The following GLIS1 variants were observed in gnomAD, a reference collection of about 807,000 sequenced individuals.
The protein encoded by GLIS1 is GLIS family zinc finger 1, also known as zinc finger protein GLIS1.
GLIS1 carries 24 observed loss-of-function variants against 63.8 expected under a neutral mutation model. That is an observed-to-expected ratio of 0.38 (90% CI 0.27 to 0.53). GLIS1 has a LOEUF of 0.53. GLIS1 is among the 20% of genes least tolerant of loss of function. The pLI is 0.85. For synonymous variants in GLIS1, 450 were observed against 482.5 expected, an observed-to-expected ratio of 0.93 and a Z score of 0.88; for missense variants, 1,036 against 1,074.1, an observed-to-expected ratio of 0.96 and a Z score of 0.50.
chr1:53,561,017 C>T (rs1019565610), intron 4 of GLIS1, among the ~76,000 whole-genome samples: 17 of 152,102 alleles, frequency 1.1e-4, no homozygotes, highest in African/African-American at 4.1e-4. Context: ...CTACTGTGTG[C>T]CCCCAGGACC....
intron 10 of GLIS1, 100 bp from the exon 11 acceptor site, chr1:53,506,876 C>A: frequency 8.3e-7 from 1 of 1,203,108 alleles, no homozygotes; most frequent in Non-Finnish European, 1.1e-6. Flanking sequence ...CAGGGTCATC[C>A]CCTCACAGTG....
chr1:53,606,859 T>TTTAAAGCTAAGCTAGAC (rs1645375168), intron 2 of GLIS1, among the ~76,000 whole-genome samples: 1 of 152,214 alleles, frequency 6.6e-6, no homozygotes, highest in Non-Finnish European at 1.5e-5. Context: ...AAATTCCCCC[T>TTTAAAGCTAAGCTAGAC]TTAAAGCTAA....
chr1:53,516,875 G>A (rs955686911), intron 7 of GLIS1, among the ~76,000 whole-genome samples: 1 of 151,638 alleles, frequency 6.6e-6, no homozygotes, highest in Non-Finnish European at 1.5e-5. Context: ...TTGCCTATGA[G>A]GCCAAACAGT....
In GLIS1 at chr1:53,734,026, C is replaced by T. The variant is rs566397074; in HGVS notation, c.259+3780G>A. 13 of 985,292 alleles carry T rather than the reference C, an allele frequency of 1.3e-5. No homozygotes were observed. The African/African-American group carries it at 1.9e-4, about 15-fold the overall frequency. The allele number at this position is 985,292 out of a possible 1,614,324, so 61.0% of individuals were successfully genotyped here. On this transcript the variant is annotated intron_variant, in intron 2 of 10. Transcript: ENST00000628545. ...AACATCATGACTTACTGTCCACCGC[C>T]CCCACTCCGAGTCCATGCGCACAAT...
chr1:53,634,676 GC>G (rs1268824864), intron 2 of GLIS1, among the ~76,000 whole-genome samples: 1 of 152,064 alleles, frequency 6.6e-6, no homozygotes, highest in East Asian at 1.9e-4. Context: ...CATCCTCTCG[GC>G]CCCACCGCTA....
intron 2 of GLIS1, among the ~76,000 whole-genome samples, chr1:53,649,024 G>A (rs1456100451): frequency 6.6e-6 from 1 of 152,074 alleles, no homozygotes; most frequent in African/African-American, 2.4e-5. Flanking sequence ...CTTATTCATG[G>A]ATTTTTTTTC....
intron 4 of GLIS1, among the ~76,000 whole-genome samples, chr1:53,550,710 A>C (rs1644749416): frequency 6.6e-6 from 1 of 152,148 alleles, no homozygotes. Context: ...TCATAATGCT[A>C]AAACCACCAA....
intron 2 of GLIS1, among the ~76,000 whole-genome samples, chr1:53,673,304 G>A (rs1163424510): frequency 6.6e-6 from 1 of 152,224 alleles, no homozygotes; most frequent in Non-Finnish European, 1.5e-5. Flanking sequence ...TTACCACTGG[G>A]GCGACTTGGC....
intron 2 of GLIS1, among the ~76,000 whole-genome samples, chr1:53,685,726 T>C (rs1182491780): frequency 6.6e-6 from 1 of 152,164 alleles, no homozygotes; most frequent in Non-Finnish European, 1.5e-5. Context: ...TCTCAAATAG[T>C]GGGTCCTAAC....
rs372152641 is a variant in GLIS1 at position 53,700,904 on chromosome 1, C to T, written c.259+36902G>A. Among the ~76,000 whole-genome samples, 55 of 152,366 alleles carry T rather than the reference C, an allele frequency of 3.6e-4. No homozygotes were observed. In the East Asian group the frequency reaches 5.2e-3, roughly 14 times the overall value. ...ACCTTTGTGTCTGGCTTCTTCCACA[C>T]AGCATAACGTTTCTAAGGCTCATCC... On this transcript the variant is annotated intron_variant, in intron 2 of 10. Transcript: ENST00000628545.
chr1:53,623,888 G>A (rs1055429097), intron 2 of GLIS1, among the ~76,000 whole-genome samples: 5 of 152,108 alleles, frequency 3.3e-5, no homozygotes, highest in Non-Finnish European at 7.4e-5. Context: ...GCTACTGAGA[G>A]AAAGCAAAGA....
chr1:53,712,936 C>T (rs925136321), intron 2 of GLIS1, among the ~76,000 whole-genome samples: 10 of 151,652 alleles, frequency 6.6e-5, no homozygotes, highest in Non-Finnish European at 1.0e-4. Flanking sequence ...AAGGCAGAAA[C>T]CAAGAGGAAG....
chr1:53,562,537 G>A (rs928480386), intron 4 of GLIS1, among the ~76,000 whole-genome samples: 8 of 152,134 alleles, frequency 5.3e-5, no homozygotes, highest in Admixed American at 4.6e-4. Flanking sequence ...ACATCACCTC[G>A]CAAGAGCCTG....
chr1:53,517,942 G>C (rs143184777), intron 7 of GLIS1, among the ~76,000 whole-genome samples: 1 of 152,242 alleles, frequency 6.6e-6, no homozygotes, highest in Non-Finnish European at 1.5e-5. Flanking sequence ...CCATGGGACT[G>C]CGAGGGGCAG....
intron 2 of GLIS1, among the ~76,000 whole-genome samples, chr1:53,704,402 C>T (rs193100978): frequency 6.6e-6 from 1 of 152,366 alleles, no homozygotes; most frequent in Admixed American, 6.5e-5. Flanking sequence ...CAAGGACACA[C>T]AGAATTAGCG....
intron 4 of GLIS1, among the ~76,000 whole-genome samples, chr1:53,542,974 G>C (rs905979300): frequency 1.8e-4 from 27 of 152,220 alleles, no homozygotes; most frequent in Non-Finnish European, 4.4e-5. Context: ...TTCAGCAGGT[G>C]TCAATGTGAT....
chr1:53,632,078 GTGTGACTGAGGGGTGTGTGAATGAA>G (rs1237925328), intron 2 of GLIS1, among the ~76,000 whole-genome samples: 1 of 151,312 alleles, frequency 6.6e-6, no homozygotes, highest in Admixed American at 6.6e-5. Context: ...GTGTGAATGA[GTGTGACTGAGGGGTGTGTGAATGAA>G]TGTGACTGAG....
rs1646363375 is a variant in GLIS1 at position 53,688,260 on chromosome 1, C to T, written c.259+49546G>A. ...CTGTGCCCAGGAATGCGAGTGTGGG[C>T]TCATGGGGGATAAATCCGTCTGAGT... On this transcript the variant is annotated intron_variant, in intron 2 of 10. Transcript: ENST00000628545. Among the ~76,000 whole-genome samples the T allele has an allele frequency of 2.0e-5, 3 of 152,246 alleles. No individual in the cohort carries two copies. The South Asian group carries it at 6.2e-4, about 32-fold the overall frequency.
intron 2 of GLIS1, among the ~76,000 whole-genome samples, chr1:53,608,514 A>G (rs373036039): frequency 3.9e-5 from 6 of 152,222 alleles, no homozygotes; most frequent in African/African-American, 7.2e-5. Flanking sequence ...GAGAGAGAGT[A>G]TAGCATCACA....
Sources: gnomAD v4.1 joint callset for allele counts (sites outside exome capture counted in the v4.1 genomes callset) on GRCh38, gnomAD v4.1.1 for gene constraint, MANE v1.5 for transcripts, NCBI Gene and HGNC (gene_info 2026-07-23, HGNC 2026-07-21) for gene names.